SCML4: variants seen among roughly 807,000 people sequenced by gnomAD.
SCML4 encodes sex comb on midleg-like protein 4.
A neutral mutation model predicts 41.1 loss-of-function variants in SCML4; 34 were observed. The ratio of observed to expected loss-of-function variants is 0.83; its 90% CI spans 0.63 to 1.10. The LOEUF (loss-of-function observed/expected upper bound fraction) is 1.10, where lower values mean the gene tolerates loss of function less well. Among genes scored for constraint, SCML4 ranks in the 50% least tolerant of loss-of-function variants. The pLI is 0.00. For missense variants in SCML4, 522 were observed against 534.1 expected, an observed-to-expected ratio of 0.98 and a Z score of 0.22; for synonymous variants, 214 against 220.9, an observed-to-expected ratio of 0.97 and a Z score of 0.28.
chr6:107,753,626 T>G (rs1046325682), intron 2 of SCML4, among the ~76,000 whole-genome samples: 2 of 152,186 alleles, frequency 1.3e-5, no homozygotes, highest in African/African-American at 4.8e-5. Flanking sequence ...AATGGTAAAT[T>G]TTGTGTGTTT....
chr6:107,759,704 T>G (rs1779425747), intron 2 of SCML4, among the ~76,000 whole-genome samples: 1 of 152,204 alleles, frequency 6.6e-6, no homozygotes, highest in African/African-American at 2.4e-5. Context: ...GCAATAATAC[T>G]GGCTTTGTCT....
chr6:107,781,387 C>T, intron 1 of SCML4, among the ~76,000 whole-genome samples: 1 of 152,142 alleles, frequency 6.6e-6, no homozygotes, highest in Non-Finnish European at 1.5e-5. Flanking sequence ...TGGTTCACGC[C>T]TGTAATCCCA....
intron 3 of SCML4, among the ~76,000 whole-genome samples, chr6:107,748,079 A>T (rs536396628): frequency 4.4e-4 from 67 of 152,366 alleles, no homozygotes; most frequent in African/African-American, 1.6e-3. Context: ...AATAAGACAC[A>T]AAAGTTATTT....
intron 1 of SCML4, among the ~76,000 whole-genome samples, chr6:107,802,160 A>G (rs1162443323): frequency 2.0e-5 from 3 of 152,206 alleles, no homozygotes; most frequent in African/African-American, 7.2e-5. Context: ...GCAACAACAA[A>G]AAGTCACTGT....
chr6:107,726,809 T>A (rs1248191008), intron 5 of SCML4, among the ~76,000 whole-genome samples: 1 of 152,112 alleles, frequency 6.6e-6, no homozygotes, highest in East Asian at 1.9e-4. Flanking sequence ...CTGGTAGGAA[T>A]AGAAAATGGT....
intron 1 of SCML4, among the ~76,000 whole-genome samples, chr6:107,801,290 C>T (rs531651465): frequency 6.6e-5 from 10 of 152,302 alleles, no homozygotes; most frequent in Admixed American, 2.6e-4. Context: ...ACAGCACTAT[C>T]TTTATACACA....
intron 6 of SCML4, among the ~76,000 whole-genome samples, chr6:107,708,373 AG>A (rs1773889042): frequency 6.6e-6 from 1 of 152,022 alleles, no homozygotes; most frequent in South Asian, 2.1e-4. Context: ...GGGCCTCCTG[AG>A]CCTGGGTACT....
rs896882464 is a variant in SCML4, at chr6:107,731,561, G to A, written c.683-10568C>T. 3.9e-5 allele frequency among the ~76,000 whole-genome samples: 6 copies of A among 152,076 alleles called. No individual in the cohort carries two copies. In the East Asian group the frequency reaches 5.8e-4, roughly 15 times the overall value. ...AGTGAGCCCTTTCCACAATCAGCAC[G>A]ACCACCTTCCTCCAGACTGGGAGCC... On this transcript the variant is annotated intron_variant, in intron 5 of 7. Coordinates refer to ENST00000369020, the MANE Select transcript of SCML4 (RefSeq NM_198081.5).
chr6:107,786,874 T>C (rs2114606047), intron 1 of SCML4, among the ~76,000 whole-genome samples: 1 of 152,370 alleles, frequency 6.6e-6, no homozygotes, highest in African/African-American at 2.4e-5. Context: ...GAGCATCCCA[T>C]GCTGCCAAGA....
At chr6:107,843,681 A>G in the SCML4 span, among the ~76,000 whole-genome samples, 2 of 152,224 alleles carry the variant, frequency 1.3e-5, no homozygotes, top group Admixed American at 6.5e-5. Context: ...GGGATTGTAG[A>G]AGAGCACTGC....
chr6:107,791,002 G>A (rs760674567), intron 1 of SCML4, among the ~76,000 whole-genome samples: 16 of 151,778 alleles, frequency 1.1e-4, no homozygotes, highest in African/African-American at 1.7e-4. Context: ...CCCAGGAGGC[G>A]GAGGTTGCAG....
At chr6:107,748,189 T>A (rs558446013) in intron 3 of SCML4, among the ~76,000 whole-genome samples, 1 of 152,334 alleles carries the variant, frequency 6.6e-6, no homozygotes, top group South Asian at 2.1e-4. Context: ...TGAGATAAGA[T>A]GAATAGGAAT....
intron 1 of SCML4, among the ~76,000 whole-genome samples, chr6:107,802,624 A>T (rs1373771191): frequency 4.3e-5 from 6 of 140,098 alleles, no homozygotes; most frequent in Middle Eastern, 3.6e-3. Context: ...GGAAGGAAGG[A>T]AGGAAGGAAG....
At chr6:107,844,385 T>C in the SCML4 span, among the ~76,000 whole-genome samples, 2 of 152,202 alleles carry the variant, frequency 1.3e-5, no homozygotes, top group Non-Finnish European at 2.9e-5. Context: ...GCTCACAATG[T>C]ATCAAGAAGT....
intron 2 of SCML4, among the ~76,000 whole-genome samples, chr6:107,765,735 G>A (rs1227341419): frequency 6.6e-6 from 1 of 152,076 alleles, no homozygotes; most frequent in Non-Finnish European, 1.5e-5. Context: ...TATTTCCAAG[G>A]GTTTGCTGCT....
intron 5 of SCML4, among the ~76,000 whole-genome samples, chr6:107,723,159 GA>G (rs1320095091): frequency 2.6e-5 from 4 of 152,134 alleles, no homozygotes; most frequent in Non-Finnish European, 5.9e-5. Flanking sequence ...AAAAGATTGA[GA>G]AATACAGATG....
chr6:107,708,140 A>G (rs532198418), intron 6 of SCML4, 129 bp from the exon 7 acceptor site: 1 of 1,047,812 alleles, frequency 9.5e-7, no homozygotes, highest in Non-Finnish European at 1.4e-6. Flanking sequence ...ACCTGGCCCA[A>G]GTGACCTCCT....
At chr6:107,718,856 G>T (rs1775087438) in intron 6 of SCML4, 1 of 152,172 alleles carries the variant, frequency 6.6e-6, no homozygotes, top group African/African-American at 2.4e-5. Flanking sequence ...TGAGAAAAGG[G>T]GAATGGGGCT....
At chr6:107,738,710 G>C (rs1777312916) in intron 5 of SCML4, among the ~76,000 whole-genome samples, 1 of 152,104 alleles carries the variant, frequency 6.6e-6, no homozygotes, top group Admixed American at 6.5e-5. Flanking sequence ...AAGAGGTCTT[G>C]CTTCTAATAC....
Sources: allele counts gnomAD v4.1 joint callset (sites outside exome capture counted in the v4.1 genomes callset), GRCh38; gene constraint gnomAD v4.1.1; transcripts MANE v1.5; gene names NCBI Gene and HGNC (gene_info 2026-07-23, HGNC 2026-07-21).